The following CNR2 variants were observed in gnomAD, a reference collection of about 807,000 sequenced individuals.
The protein encoded by CNR2 is cannabinoid receptor 2 (macrophage).
For synonymous variants in CNR2, 172 were observed against 182.2 expected (o/e 0.94, Z 0.45); for missense variants, 379 against 439.9 (o/e 0.86, Z 1.24).
At chr1:23,898,147 C>A (rs11486174) in intron 1 of CNR2, among the ~76,000 whole-genome samples, 135,625 of 141,484 alleles carry the variant, frequency 0.96, 65,001 homozygotes, top group Non-Finnish European at 0.98. Flanking sequence ...CTGCCTCAGC[C>A]TCCCAAGTAG....
intron 1 of CNR2, among the ~76,000 whole-genome samples, chr1:23,886,889 T>C (rs968794432): frequency 1.4e-5 from 1 of 69,620 alleles, no homozygotes; most frequent in Non-Finnish European, 3.4e-5. Context: ...CCCTTTGCGG[T>C]TTTTTTGTTT....
intron 1 of CNR2, among the ~76,000 whole-genome samples, chr1:23,879,796 C>T (rs1639947410): frequency 6.6e-6 from 1 of 151,942 alleles, no homozygotes; most frequent in East Asian, 1.9e-4. Context: ...CTAACTGGGC[C>T]CCCTGCTTTT....
intron 1 of CNR2, among the ~76,000 whole-genome samples, chr1:23,911,437 C>T (rs1640582581): frequency 6.6e-6 from 1 of 152,058 alleles, no homozygotes; most frequent in Admixed American, 6.5e-5. Flanking sequence ...AATGGGCATC[C>T]ATCGTAGGAG....
At chr1:23,887,622 A>G (rs72665114) in intron 1 of CNR2, among the ~76,000 whole-genome samples, 452 of 152,326 alleles carry the variant, frequency 3.0e-3, no homozygotes, top group Non-Finnish European at 4.8e-3. Context: ...TTGGACAGCT[A>G]TAAATCCCTT....
At chr1:23,909,805 G>A (rs1640554575) in intron 1 of CNR2, among the ~76,000 whole-genome samples, 1 of 152,036 alleles carries the variant, frequency 6.6e-6, no homozygotes, top group Non-Finnish European at 1.5e-5. Context: ...ATGAGTCCCC[G>A]AGCCTGCCCT....
At chr1:23,888,702 G>A (rs1041298759) in intron 1 of CNR2, among the ~76,000 whole-genome samples, 1 of 152,194 alleles carries the variant, frequency 6.6e-6, no homozygotes, top group African/African-American at 2.4e-5. Flanking sequence ...CAGGCGCGGT[G>A]GCTCACGCCT....
intron 1 of CNR2, among the ~76,000 whole-genome samples, chr1:23,911,457 G>A (rs577850257): frequency 6.6e-6 from 1 of 152,130 alleles, no homozygotes; most frequent in Non-Finnish European, 1.5e-5. Flanking sequence ...GGACCCAGGA[G>A]CCTCCCTCAC....
At chr1:23,896,110 C>T (rs991479808) in intron 1 of CNR2, among the ~76,000 whole-genome samples, 30 of 152,140 alleles carry the variant, frequency 2.0e-4, no homozygotes, top group Non-Finnish European at 4.0e-4. Context: ...GTGATCCTCC[C>T]GCCTTGGTCT....
Position 23,875,467 on chromosome 1 carries a change from T to A in CNR2, c.151A>T (p.Asn51Tyr). 6.2e-7 allele frequency: 1 copy of A among 1,614,142 alleles called. No homozygotes were observed. Among genetic ancestry groups the A allele is most frequent in the Non-Finnish European group, 8.5e-7 (1 of 1,180,012 alleles). Residue 51 changes from asparagine (N) to tyrosine (Y), a missense_variant, in exon 2 of 2, where the codon AAC becomes TAC. Physicochemically the swap from Asn to Tyr is moderately radical, Grantham distance 143. Transcript: ENST00000374472. ...TLLGLLSALE[N>Y]VAVLYLILSS... ...AGGATCAGATAGAGCACAGCCACGT[T>A]CTCCAGGGCACTTAGCAGGCCCAGA...
At chr1:23,902,909 G>A (rs1402703504) in intron 1 of CNR2, among the ~76,000 whole-genome samples, 1 of 151,224 alleles carries the variant, frequency 6.6e-6, no homozygotes, top group South Asian at 2.1e-4. Flanking sequence ...GTAGAGCTCC[G>A]CCGCCATCCT....
At chr1:23,880,692 A>T (rs1484943812) in intron 1 of CNR2, among the ~76,000 whole-genome samples, 1 of 151,614 alleles carries the variant, frequency 6.6e-6, no homozygotes, top group African/African-American at 2.4e-5. Context: ...CAGCTTCCTG[A>T]GTAGCTGGGA....
rs1639861482 is a variant in CNR2, at chr1:23,875,608, AT to A, written c.9del (p.Glu3AspfsTer4). 6.2e-6 allele frequency: 10 copies of A among 1,602,176 alleles called. No individual in the cohort carries two copies. The highest frequency in any genetic ancestry group is 8.5e-6 in the Non-Finnish European group (10 of 1,172,036). On this transcript the variant is annotated frameshift_variant, in exon 2 of 2. Transcript: ENST00000374472. LOFTEE classifies it low-confidence loss of function (END_TRUNC). ME[E>X]CWVTEIANGS... ...CCATTGGCTATCTCTGTCACCCAGCATTCCTCCATGGGGTGGGCCCTTCAGA... is the reference window on the plus strand; with the variant it reads ...CCATTGGCTATCTCTGTCACCCAGCATCCTCCATGGGGTGGGCCCTTCAGA...
At chr1:23,902,313 C>A in intron 1 of CNR2, 1 of 1,544,928 alleles carries the variant, frequency 6.5e-7, no homozygotes. Context: ...GATGACCTCC[C>A]AGCAGCGCTG....
In CNR2 at chr1:23,875,349, C is replaced by T. The variant is rs543855954; in HGVS notation, c.269G>A (p.Ser90Asn). Residue 90 changes from serine (S) to asparagine (N), a missense_variant, in exon 2 of 2, where the codon AGC (serine) becomes AAC (asparagine). Physicochemically the swap from Ser to Asn is conservative, Grantham distance 46. Transcript: ENST00000374472. ...DFLASVVFAC[S>N]FVNFHVFHGV... is the part of the protein sequence containing the mutation. The stretch of plus-strand genomic sequence containing the variant: ...ATGGAAAACATGGAAATTCACAAAG[C>T]TGCATGCAAAGACCACACTGGCCAG... The T allele has an allele frequency of 3.1e-6, 5 of 1,614,226 alleles. No homozygotes were observed. The South Asian group carries it at 5.5e-5, about 18-fold the overall frequency.
At chr1:23,903,612 C>A (rs1265016729) in intron 1 of CNR2, among the ~76,000 whole-genome samples, 2 of 150,534 alleles carry the variant, frequency 1.3e-5, no homozygotes, top group Non-Finnish European at 2.9e-5. Flanking sequence ...TTTTAACGTG[C>A]GTCAGTAAGA....
intron 1 of CNR2, among the ~76,000 whole-genome samples, chr1:23,899,100 C>T (rs896538948): frequency 1.3e-5 from 2 of 152,082 alleles, no homozygotes; most frequent in African/African-American, 2.4e-5. Context: ...CAAAGAAATG[C>T]GCTGTCTCCT....
chr1:23,905,708 G>A (rs903408356), intron 1 of CNR2, among the ~76,000 whole-genome samples: 6 of 152,090 alleles, frequency 3.9e-5, no homozygotes, highest in African/African-American at 1.4e-4. Context: ...AACCTGGCAT[G>A]AGGACTCAGG....
intron 1 of CNR2, chr1:23,902,333 G>A (rs928478493): frequency 1.3e-6 from 2 of 1,564,804 alleles, no homozygotes; most frequent in East Asian, 2.3e-5. Flanking sequence ...GGGTCAGGTC[G>A]GGCTCCTCAA....
At chr1:23,901,422 G>A (rs1640396719) in intron 1 of CNR2, 2 of 1,475,324 alleles carry the variant, frequency 1.4e-6, no homozygotes, top group South Asian at 1.3e-5. Context: ...TTAGTGTCCT[G>A]ATTTCCCCTC....
Sources: allele counts gnomAD v4.1 joint callset (sites outside exome capture counted in the v4.1 genomes callset), GRCh38; gene constraint gnomAD v4.1.1; transcripts MANE v1.5; gene names NCBI Gene and HGNC (gene_info 2026-07-23, HGNC 2026-07-21).